The following CLASP2 variants were observed in gnomAD, a reference collection of about 807,000 sequenced individuals.
The protein encoded by CLASP2 is CLIP-associating protein 2.
In CLASP2, 47 loss-of-function variants were observed where a neutral mutation model predicts 194.4. That is an observed-to-expected ratio of 0.24 (90% CI 0.19 to 0.31). The LOEUF (loss-of-function observed/expected upper bound fraction) is 0.31, where lower values mean the gene tolerates loss of function less well. Among genes scored for constraint, CLASP2 ranks in the 10% least tolerant of loss-of-function variants. The pLI is 1.00. For synonymous variants in CLASP2, 619 were observed against 633.5 expected (o/e 0.98, Z 0.34); for missense variants, 1,445 against 1,823.6 (o/e 0.79, Z 3.78).
intron 34 of CLASP2, among the ~76,000 whole-genome samples, chr3:33,529,751 G>A (rs1433779289): frequency 6.6e-6 from 1 of 152,050 alleles, no homozygotes; most frequent in Non-Finnish European, 1.5e-5. Context: ...GGAGGCCGAG[G>A]CGGGTGGATC....
chr3:33,618,938 C>A (rs1342952912), intron 12 of CLASP2, among the ~76,000 whole-genome samples: 3 of 152,118 alleles, frequency 2.0e-5, no homozygotes, highest in Non-Finnish European at 4.4e-5. Context: ...TAGGTGATTT[C>A]ATCATAGTAT....
intron 1 of CLASP2, among the ~76,000 whole-genome samples, chr3:33,711,657 G>A (rs921545697): frequency 1.4e-5 from 2 of 145,480 alleles, no homozygotes; most frequent in Non-Finnish European, 3.0e-5. Flanking sequence ...GAATCTACAG[G>A]GAACTCAAAT....
At chr3:33,679,384 T>G (rs528056226) in intron 6 of CLASP2, among the ~76,000 whole-genome samples, 1 of 152,090 alleles carries the variant, frequency 6.6e-6, no homozygotes, top group African/African-American at 2.4e-5. Context: ...AACTGATAAG[T>G]TGAACTTCAT....
chr3:33,515,893 G>C, intron 36 of CLASP2, 130 bp downstream of exon 36: 2 of 788,388 alleles, frequency 2.5e-6, no homozygotes, highest in Non-Finnish European at 3.7e-6. Context: ...CTTGCATCTC[G>C]ATCAGGTATT....
chr3:33,591,888 A>G (rs1449670879), intron 21 of CLASP2, among the ~76,000 whole-genome samples: 1 of 152,216 alleles, frequency 6.6e-6, no homozygotes, highest in Non-Finnish European at 1.5e-5. Flanking sequence ...TTTTGGGAAA[A>G]TAAGATATCA....
intron 19 of CLASP2, among the ~76,000 whole-genome samples, chr3:33,595,273 A>G (rs2154243648): frequency 6.6e-6 from 1 of 152,238 alleles, no homozygotes; most frequent in South Asian, 2.1e-4. Context: ...AGAGAAACTC[A>G]TCACTCAAAA....
chr3:33,578,803 G>T (rs1191519597), intron 23 of CLASP2, among the ~76,000 whole-genome samples: 1 of 152,166 alleles, frequency 6.6e-6, no homozygotes, highest in Non-Finnish European at 1.5e-5. Flanking sequence ...CTGAAATAAA[G>T]TAAGCCTTTG....
chr3:33,611,181 C>A (rs1434213354), intron 13 of CLASP2, among the ~76,000 whole-genome samples: 1 of 152,266 alleles, frequency 6.6e-6, no homozygotes, highest in East Asian at 1.9e-4. Flanking sequence ...AAGGCTATCG[C>A]AACCTTACAA....
intron 38 of CLASP2, among the ~76,000 whole-genome samples, chr3:33,500,782 A>G (rs1417708274): frequency 2.0e-5 from 3 of 152,200 alleles, no homozygotes; most frequent in Non-Finnish European, 2.9e-5. Flanking sequence ...CAGTAAGACA[A>G]TCCTTAGGGT....
intron 23 of CLASP2, chr3:33,577,244 A>G (rs1247463802): frequency 6.3e-7 from 1 of 1,598,102 alleles, no homozygotes; most frequent in Non-Finnish European, 8.5e-7. Context: ...GCACCAGTTG[A>G]TCTGGAATGG....
At chr3:33,592,816 T>C in intron 20 of CLASP2, 1 of 333,592 alleles carries the variant, frequency 3.0e-6, no homozygotes, top group Non-Finnish European at 5.7e-6. Context: ...GTTGCAATTC[T>C]GAAATTTCAG....
chr3:33,611,903 G>A, intron 13 of CLASP2, 98 bp downstream of exon 13: 3 of 795,332 alleles, frequency 3.8e-6, no homozygotes, highest in South Asian at 2.0e-5. Context: ...TTTCTGGAAG[G>A]CAAGAAATGA....
At chr3:33,717,719 C>T in intron 1 of CLASP2, 89 bp downstream of exon 1, 3 of 1,396,248 alleles carry the variant, frequency 2.1e-6, no homozygotes, top group South Asian at 1.3e-5. Flanking sequence ...GTGGTTCGGA[C>T]GGGAGCTTTC....
chr3:33,505,765 G>A (rs946736157), intron 37 of CLASP2, among the ~76,000 whole-genome samples: 5 of 152,136 alleles, frequency 3.3e-5, no homozygotes, highest in Admixed American at 2.0e-4. Context: ...ACCTAAAAAA[G>A]TTTTCTTATT....
intron 21 of CLASP2, among the ~76,000 whole-genome samples, chr3:33,590,343 A>G (rs1224929827): frequency 1.3e-5 from 2 of 152,138 alleles, no homozygotes; most frequent in Non-Finnish European, 2.9e-5. Context: ...ACCAGTATGT[A>G]CTTCTCAAGA....
At chr3:33,637,683 T>C (rs1017357678) in intron 8 of CLASP2, among the ~76,000 whole-genome samples, 1 of 152,216 alleles carries the variant, frequency 6.6e-6, no homozygotes, top group Non-Finnish European at 1.5e-5. Flanking sequence ...TTGCAAGCTG[T>C]TGGCCAGACA....
intron 11 of CLASP2, among the ~76,000 whole-genome samples, chr3:33,621,523 T>C (rs926661455): frequency 6.6e-6 from 1 of 152,190 alleles, no homozygotes; most frequent in African/African-American, 2.4e-5. Flanking sequence ...GGCAGTTTTG[T>C]TCCTTTTCTT....
chr3:33,590,924 T>C (rs1036643810), intron 21 of CLASP2, among the ~76,000 whole-genome samples: 10 of 152,330 alleles, frequency 6.6e-5, no homozygotes, highest in African/African-American at 2.4e-4. Context: ...CTCATACCTA[T>C]AATCCCAGCA....
intron 32 of CLASP2, among the ~76,000 whole-genome samples, chr3:33,541,918 T>A (rs2058435231): frequency 6.6e-6 from 1 of 152,226 alleles, no homozygotes; most frequent in South Asian, 2.1e-4. Flanking sequence ...TGCCACACTA[T>A]CTTCCACAAT....
Sources: gnomAD v4.1 joint callset for allele counts (sites outside exome capture counted in the v4.1 genomes callset) on GRCh38, gnomAD v4.1.1 for gene constraint, MANE v1.5 for transcripts, NCBI Gene and HGNC (gene_info 2026-07-23, HGNC 2026-07-21) for gene names.